The following ZNF407 variants were observed in gnomAD, a reference collection of about 807,000 sequenced individuals.
The protein encoded by ZNF407 is zinc finger protein 407.
A neutral mutation model predicts 131.2 loss-of-function variants in ZNF407; 17 were observed. That is an observed-to-expected ratio of 0.13 (90% CI 0.09 to 0.19). The LOEUF (loss-of-function observed/expected upper bound fraction) is 0.19. Ranked by LOEUF, ZNF407 falls within the 10% of genes least tolerant of loss-of-function variation. The pLI, the probability that ZNF407 is intolerant of heterozygous loss-of-function variation, is 1.00. For missense variants in ZNF407, 2,681 were observed against 2,830.6 expected, an observed-to-expected ratio of 0.95 and a Z score of 1.20; for synonymous variants, 1,156 against 1,062.0, an observed-to-expected ratio of 1.09 and a Z score of -1.72.
intron 7 of ZNF407, among the ~76,000 whole-genome samples, chr18:74,892,968 A>T (rs1430253892): frequency 2.0e-5 from 3 of 152,064 alleles, no homozygotes; most frequent in Admixed American, 2.0e-4. Context: ...TTTTCCTCTG[A>T]TCAGTACTGT....
intron 3 of ZNF407, among the ~76,000 whole-genome samples, chr18:74,643,438 C>T (rs185613590): frequency 1.3e-5 from 2 of 152,044 alleles, no homozygotes; most frequent in Non-Finnish European, 2.9e-5. Flanking sequence ...TTTTCTTTTC[C>T]TTAGTAGTTA....
chr18:74,608,385 G>GTCAC (rs1197116934), intron 1 of ZNF407, among the ~76,000 whole-genome samples: 1 of 149,486 alleles, frequency 6.7e-6, no homozygotes, highest in African/African-American at 2.5e-5. Flanking sequence ...GTCTTGCTCT[G>GTCAC]TCACTCAGGC....
At chr18:74,801,039 G>T in intron 4 of ZNF407, among the ~76,000 whole-genome samples, 1 of 151,846 alleles carries the variant, frequency 6.6e-6, no homozygotes, top group Non-Finnish European at 1.5e-5. Context: ...TAGGCACTTT[G>T]TTAGGTTTTC....
intron 8 of ZNF407, among the ~76,000 whole-genome samples, chr18:75,006,292 C>T (rs890503866): frequency 1.3e-5 from 2 of 152,088 alleles, no homozygotes; most frequent in Non-Finnish European, 2.9e-5. Context: ...TTGATCATTT[C>T]TACTCTTATG....
chr18:74,880,125 T>G (rs1971217630), intron 5 of ZNF407, among the ~76,000 whole-genome samples: 1 of 152,210 alleles, frequency 6.6e-6, no homozygotes, highest in Admixed American at 6.5e-5. Context: ...TCTCGAAGGT[T>G]AGCATTTTTC....
At chr18:74,957,446 T>G (rs1215680956) in intron 8 of ZNF407, among the ~76,000 whole-genome samples, 1 of 152,076 alleles carries the variant, frequency 6.6e-6, no homozygotes, top group African/African-American at 2.4e-5. Context: ...GTTGTCTTCC[T>G]AGTGGAGCAT....
At chr18:74,677,739 C>G (rs1986451719) in intron 3 of ZNF407, among the ~76,000 whole-genome samples, 1 of 152,060 alleles carries the variant, frequency 6.6e-6, no homozygotes, top group African/African-American at 2.4e-5. Flanking sequence ...TTTGATAGTT[C>G]CAATATTGAA....
chr18:74,706,264 CTT>C (rs765460808), intron 3 of ZNF407, among the ~76,000 whole-genome samples: 1 of 152,164 alleles, frequency 6.6e-6, no homozygotes, highest in Non-Finnish European at 1.5e-5. Context: ...ATTTACTAGA[CTT>C]TTGTTCAAAG....
chr18:74,764,400 T>C (rs1038010401), intron 3 of ZNF407, among the ~76,000 whole-genome samples: 8 of 152,252 alleles, frequency 5.3e-5, no homozygotes, highest in African/African-American at 1.9e-4. Context: ...ATGTGTTTTA[T>C]TTCTAGACAT....
intron 8 of ZNF407, among the ~76,000 whole-genome samples, chr18:75,009,784 C>T (rs1027830775): frequency 6.6e-6 from 1 of 152,150 alleles, no homozygotes; most frequent in Non-Finnish European, 1.5e-5. Flanking sequence ...GGATTTGAAC[C>T]TATTCAGGTT....
At chr18:74,760,742 G>A (rs192629366) in intron 3 of ZNF407, among the ~76,000 whole-genome samples, 3 of 152,036 alleles carry the variant, frequency 2.0e-5, no homozygotes, top group African/African-American at 2.4e-5. Flanking sequence ...CTGTTTGACC[G>A]CTCCTCCTAG....
intron 8 of ZNF407, among the ~76,000 whole-genome samples, chr18:74,933,168 A>G (rs1568274674): frequency 6.6e-6 from 1 of 152,236 alleles, no homozygotes; most frequent in Admixed American, 6.5e-5. Flanking sequence ...GAATGGATCA[A>G]CAAAGTTTGT....
At chr18:74,856,779 G>A (rs1250295172) in intron 4 of ZNF407, among the ~76,000 whole-genome samples, 2 of 152,166 alleles carry the variant, frequency 1.3e-5, no homozygotes, top group Non-Finnish European at 2.9e-5. Context: ...AGAGCAGTTT[G>A]TACTATATAA....
At chr18:74,681,866 T>C (rs2144779003) in intron 3 of ZNF407, among the ~76,000 whole-genome samples, 1 of 152,334 alleles carries the variant, frequency 6.6e-6, no homozygotes, top group Middle Eastern at 3.4e-3. Flanking sequence ...GCATTGTTAG[T>C]GCTCCAGAAT....
intron 8 of ZNF407, among the ~76,000 whole-genome samples, chr18:74,927,466 C>T (rs937602447): frequency 6.6e-6 from 1 of 152,182 alleles, no homozygotes. Flanking sequence ...CACAGTTGTA[C>T]CTCTCCTGCC....
intron 3 of ZNF407, among the ~76,000 whole-genome samples, chr18:74,646,229 G>A (rs549360200): frequency 5.7e-4 from 86 of 152,170 alleles, no homozygotes; most frequent in African/African-American, 2.0e-3. Context: ...AAAGCACCAT[G>A]GAATTGCATT....
Position 74,634,142 on chromosome 18 carries a change from A to T in ZNF407, c.3123A>T (p.Thr1041=), listed in dbSNP as rs748271545. 16 of 1,613,902 alleles carry T rather than the reference A, an allele frequency of 9.9e-6. No homozygotes were observed. The East Asian group carries it at 2.9e-4, about 29-fold the overall frequency. The stretch of plus-strand genomic sequence containing the variant: ...AGCTGCATGTAAAACGGAAACATAC[A>T]AAAGAGTTTGAGTTTTATTGCATGG... ...SLELHVKRKH[T]KEFEFYCMAC... The change falls in exon 2 of 9, where the codon ACA becomes ACT. Residue 1041 remains threonine (T), a synonymous_variant. Transcript: ENST00000299687.
chr18:74,654,981 G>A (rs1259542806), intron 3 of ZNF407, among the ~76,000 whole-genome samples: 8 of 151,706 alleles, frequency 5.3e-5, no homozygotes, highest in Non-Finnish European at 1.2e-4. Context: ...TTTAAAGAAC[G>A]TATTTTAAAA....
At chr18:74,968,445 T>C (rs118085387) in intron 8 of ZNF407, among the ~76,000 whole-genome samples, 122 of 152,356 alleles carry the variant, frequency 8.0e-4, no homozygotes, top group Non-Finnish European at 8.4e-4. Flanking sequence ...TTTTGTCATT[T>C]CTTGTGTTCG....
Sources: allele counts gnomAD v4.1 joint callset (sites outside exome capture counted in the v4.1 genomes callset), GRCh38; gene constraint gnomAD v4.1.1; transcripts MANE v1.5; gene names NCBI Gene and HGNC (gene_info 2026-07-23, HGNC 2026-07-21).